PAK2: variants seen among roughly 807,000 people sequenced by gnomAD.
PAK2 encodes serine/threonine-protein kinase PAK 2.
Under a neutral mutation model 65.9 loss-of-function variants are expected in PAK2, and 21 were observed. That is an observed-to-expected ratio of 0.32 (90% CI 0.23 to 0.46). The LOEUF is 0.46. PAK2 is among the 20% of genes least tolerant of loss of function. PAK2 has a pLI of 1.00. For missense variants in PAK2, 324 were observed against 642.6 expected (o/e 0.50, Z 5.36); for synonymous variants, 204 against 219.7 (o/e 0.93, Z 0.63).
At chr3:196,817,350 C>T (rs13096545) in intron 11 of PAK2, among the ~76,000 whole-genome samples, 55,636 of 149,080 alleles carry the variant, frequency 0.37, 10,585 homozygotes, top group African/African-American at 0.46. Flanking sequence ...TCTTTCTGTC[C>T]GTCTTTTTTT....
chr3:196,827,405 G>C, intron 14 of PAK2, 72 bp downstream of exon 14: 1 of 1,547,936 alleles, frequency 6.5e-7, no homozygotes, highest in Non-Finnish European at 8.7e-7. Context: ...CTTTCCTAGG[G>C]CTAATAAGTA....
At chr3:196,746,521 A>T (rs1713385822) in intron 1 of PAK2, among the ~76,000 whole-genome samples, 1 of 152,188 alleles carries the variant, frequency 6.6e-6, no homozygotes, top group Non-Finnish European at 1.5e-5. Context: ...ATTTAGATTA[A>T]TAAGAATAGG....
Position 196,776,626 on chromosome 3 carries a change from G to A in PAK2, c.-21-6000G>A, listed in dbSNP as rs893549579. Among the ~76,000 whole-genome samples the A allele has an allele frequency of 3.3e-5, 5 of 152,274 alleles. 1 individual carries two copies. Among genetic ancestry groups the A allele is most frequent in the Admixed American group, 3.3e-4 (5 of 15,294 alleles). Reference sequence around the variant, plus strand: ...TTGACTTACTCTGATGACATAGATGGTGATATTAATGAATGTGGTTTTATT... The same window carrying A: ...TTGACTTACTCTGATGACATAGATGATGATATTAATGAATGTGGTTTTATT... On this transcript the variant is annotated intron_variant, in intron 1 of 14. Coordinates refer to ENST00000327134, the MANE Select transcript of PAK2 (RefSeq NM_002577.4).
chr3:196,808,366 T>A (rs538159951), intron 7 of PAK2, among the ~76,000 whole-genome samples: 1 of 144,778 alleles, frequency 6.9e-6, no homozygotes, highest in Non-Finnish European at 1.5e-5. Context: ...ATCGAGACCA[T>A]CCTGGCCAGT....
intron 1 of PAK2, among the ~76,000 whole-genome samples, chr3:196,766,087 A>G (rs770859643): frequency 2.0e-5 from 3 of 151,778 alleles, no homozygotes; most frequent in Non-Finnish European, 2.9e-5. Flanking sequence ...AGTAGAGATG[A>G]GGTTTCACCA....
In PAK2 at chr3:196,782,674, A is replaced by G; in HGVS notation, c.28A>G (p.Lys10Glu). The G allele has an allele frequency of 1.9e-6, 3 of 1,601,944 alleles. No homozygotes were observed. Among genetic ancestry groups the G allele is most frequent in the Non-Finnish European group, 2.6e-6 (3 of 1,174,304 alleles). ...GTCTGATAACGGAGAACTGGAAGAT[A>G]AGCCTCCAGCACCTCCTGTGCGAAT... MSDNGELEDKPPAPPVRMSS... is the reference protein window; with the variant it reads MSDNGELEDEPPAPPVRMSS... The change falls in exon 2 of 15, where the codon AAG becomes GAG. Residue 10 changes from lysine (K) to glutamate (E), a missense_variant. By Grantham distance (56) the Lys-to-Glu change is moderately conservative. Transcript: ENST00000327134.
intron 13 of PAK2, among the ~76,000 whole-genome samples, chr3:196,826,928 AAAAAC>A (rs1235023266): frequency 6.6e-6 from 1 of 152,186 alleles, no homozygotes. Flanking sequence ...CTCAACAAAA[AAAAAC>A]AAAACAAAAG....
intron 1 of PAK2, among the ~76,000 whole-genome samples, chr3:196,761,953 G>A (rs1267702179): frequency 7.1e-5 from 9 of 127,284 alleles, no homozygotes; most frequent in Non-Finnish European, 6.8e-5. Flanking sequence ...GGCAGCTGCC[G>A]GGCGGAGGGG....
chr3:196,795,694 A>G (rs1017718452), intron 2 of PAK2, among the ~76,000 whole-genome samples: 1 of 152,204 alleles, frequency 6.6e-6, no homozygotes, highest in African/African-American at 2.4e-5. Flanking sequence ...TGTCTTTCCA[A>G]AACAAAGGAG....
At chr3:196,818,505 T>G (rs1711542810) in intron 12 of PAK2, among the ~76,000 whole-genome samples, 1 of 152,126 alleles carries the variant, frequency 6.6e-6, no homozygotes, top group Non-Finnish European at 1.5e-5. Flanking sequence ...TAGCTGGGAT[T>G]ACAGGTGTGC....
intron 2 of PAK2, among the ~76,000 whole-genome samples, chr3:196,800,007 GA>G (rs1449197978): frequency 6.6e-6 from 1 of 152,192 alleles, no homozygotes; most frequent in Admixed American, 6.5e-5. Context: ...ACTGCTGAGA[GA>G]AATTTTTAAA....
At chr3:196,794,596 C>G (rs1715188757) in intron 2 of PAK2, among the ~76,000 whole-genome samples, 1 of 152,226 alleles carries the variant, frequency 6.6e-6, no homozygotes. Context: ...AGGCCTGTCC[C>G]TGCCTTAGCC....
chr3:196,797,063 C>A (rs965852227), intron 2 of PAK2, among the ~76,000 whole-genome samples: 1 of 137,928 alleles, frequency 7.3e-6, no homozygotes, highest in African/African-American at 3.0e-5. Context: ...AAAATTTGAA[C>A]GTAACTATCA....
intron 14 of PAK2, 126 bp downstream of exon 14, chr3:196,827,459 A>T: frequency 2.0e-6 from 3 of 1,495,668 alleles, no homozygotes; most frequent in Non-Finnish European, 2.7e-6. Context: ...CAGCTGCTGC[A>T]ATTTAGGGTT....
chr3:196,824,422 C>T (rs537521532), intron 13 of PAK2, among the ~76,000 whole-genome samples: 44 of 152,246 alleles, frequency 2.9e-4, no homozygotes, highest in African/African-American at 8.9e-4. Flanking sequence ...GCAACTGGAA[C>T]GGACAGAAGT....
At chr3:196,807,978 A>T in intron 7 of PAK2, 64 bp downstream of exon 7, 1 of 1,513,060 alleles carries the variant, frequency 6.6e-7, no homozygotes, top group Non-Finnish European at 9.0e-7. Flanking sequence ...TTTGGCCCAG[A>T]TGGATTTTAA....
chr3:196,756,952 C>T (rs541371594), intron 1 of PAK2, among the ~76,000 whole-genome samples: 48 of 152,336 alleles, frequency 3.2e-4, no homozygotes, highest in Middle Eastern at 3.4e-3. Flanking sequence ...GGGTGCTCCT[C>T]GCAGATGGAA....
At chr3:196,776,078 C>T (rs759566234) in intron 1 of PAK2, among the ~76,000 whole-genome samples, 5 of 152,126 alleles carry the variant, frequency 3.3e-5, no homozygotes, top group East Asian at 1.9e-4. Flanking sequence ...TCTGCAATAC[C>T]GTGGGGGAGT....
At chr3:196,785,211 G>A (rs1714846710) in intron 2 of PAK2, 1 of 152,138 alleles carries the variant, frequency 6.6e-6, no homozygotes, top group South Asian at 2.1e-4. Flanking sequence ...AATATAATCA[G>A]AGTGTTGTGC....
Sources: gnomAD v4.1 joint callset for allele counts (sites outside exome capture counted in the v4.1 genomes callset) on GRCh38, gnomAD v4.1.1 for gene constraint, MANE v1.5 for transcripts, NCBI Gene and HGNC (gene_info 2026-07-23, HGNC 2026-07-21) for gene names.